HEATR4: variants seen among roughly 807,000 people sequenced by gnomAD.
HEATR4 encodes the protein HEAT repeat-containing protein 4.
In HEATR4, 95 loss-of-function variants were observed where a neutral mutation model predicts 108.8. The ratio of observed to expected loss-of-function variants is 0.87; its 90% CI spans 0.74 to 1.04. The LOEUF (loss-of-function observed/expected upper bound fraction) is 1.04. Among genes scored for constraint, HEATR4 ranks in the 50% least tolerant of loss-of-function variants. The pLI, the probability that HEATR4 is intolerant of heterozygous loss-of-function variation, is 0.00. For missense variants in HEATR4, 1,152 were observed against 1,253.8 expected, an observed-to-expected ratio of 0.92 and a Z score of 1.23; for synonymous variants, 443 against 459.4, an observed-to-expected ratio of 0.96 and a Z score of 0.46.
chr14:73,613,070 C>T, the HEATR4 span: 1 of 585,068 alleles, frequency 1.7e-6, no homozygotes, highest in African/African-American at 2.0e-5. Flanking sequence ...CTGCGACCCC[C>T]ACCGGCCCCT....
Position 73,537,571 on chromosome 14 carries a change from G to A in HEATR4, c.-151-7327C>T, listed in dbSNP as rs753756865. 781 of 1,215,206 alleles carry A rather than the reference G, an allele frequency of 6.4e-4. 252 individuals are homozygous for A. The highest frequency in any genetic ancestry group is 4.2e-3 in the Middle Eastern group (14 of 3,360). The allele number at this position is 1,215,206 out of a possible 1,614,324, so 75.3% of individuals were successfully genotyped here. On this transcript the variant is annotated intron_variant, in intron 1 of 17. Coordinates refer to ENST00000553558, the MANE Select transcript of HEATR4 (RefSeq NM_001220484.1). ...AGGGCGCGCTTTTCCAGGCCCACGC[G>A]CGCTACCGCGCCGACACCCTTGGCG... is the stretch of plus-strand genomic sequence containing the variant.
At chr14:73,499,865 C>G (rs549156125) in intron 12 of HEATR4, among the ~76,000 whole-genome samples, 1 of 152,290 alleles carries the variant, frequency 6.6e-6, no homozygotes, top group East Asian at 1.9e-4. Flanking sequence ...GGAGCTAAAC[C>G]AAGCTTGTCC....
At chr14:73,585,781 G>GAAA in the HEATR4 span, among the ~76,000 whole-genome samples, 2 of 141,120 alleles carry the variant, frequency 1.4e-5, no homozygotes, top group Non-Finnish European at 3.0e-5. Context: ...GGAAGGGAAT[G>GAAA]AAAAAAAAAA....
At chr14:73,559,172 T>C (rs528241430), upstream of HEATR4, among the ~76,000 whole-genome samples, 135 of 152,068 alleles carry the variant, frequency 8.9e-4, 1 homozygote, top group African/African-American at 2.9e-3. Flanking sequence ...CTCACTCAGT[T>C]GCCTAGGCTG....
chr14:73,615,806 C>G, the HEATR4 span, among the ~76,000 whole-genome samples: 1 of 152,186 alleles, frequency 6.6e-6, no homozygotes, highest in Admixed American at 6.5e-5. Context: ...AATCCCAGCA[C>G]TTGAAGAGGC....
At chr14:73,598,282 T>C in the HEATR4 span, among the ~76,000 whole-genome samples, 15 of 144,654 alleles carry the variant, frequency 1.0e-4, no homozygotes, top group African/African-American at 3.6e-4. Context: ...CCCAGCTACT[T>C]GGGAGGCCGA....
At position 73,547,877 on chromosome 14, in the gene HEATR4, C is replaced by A. The variant is rs552618459; in HGVS notation, c.-152+10874G>T. On this transcript the variant is annotated intron_variant, in intron 1 of 17. Transcript: ENST00000553558. ...CTCCAGCCTGGACAACAGAGTGAGACCCTGTCTCAAAAAATAAAATAAAAA... is the reference window on the plus strand; with the variant it reads ...CTCCAGCCTGGACAACAGAGTGAGAACCTGTCTCAAAAAATAAAATAAAAA... 1.7e-5 allele frequency among the ~76,000 whole-genome samples: 2 copies of A among 114,798 alleles called. 1 individual carries two copies. The highest frequency in any genetic ancestry group is 3.8e-5 in the Non-Finnish European group (2 of 52,690). 75.3% of individuals were successfully genotyped at this position (114,798 alleles called of 152,430 possible).
intron 9 of HEATR4, among the ~76,000 whole-genome samples, chr14:73,506,819 T>C (rs868150227): frequency 7.6e-6 from 1 of 131,940 alleles, no homozygotes; most frequent in South Asian, 2.5e-4. Context: ...TTTTTTTTTT[T>C]TTTTTTCTGA....
At chr14:73,560,012 A>G (rs1298308414), upstream of HEATR4, among the ~76,000 whole-genome samples, 4 of 152,094 alleles carry the variant, frequency 2.6e-5, no homozygotes, top group African/African-American at 9.7e-5. Flanking sequence ...TCCTGGCTAG[A>G]TTATTAGCCA....
chr14:73,566,758 T>C, the HEATR4 span, among the ~76,000 whole-genome samples: 1 of 151,766 alleles, frequency 6.6e-6, no homozygotes, highest in Non-Finnish European at 1.5e-5. Context: ...GCTCCGGCCT[T>C]GGCCAGCCCA....
At chr14:73,524,152 C>T (rs565255169) in intron 2 of HEATR4, among the ~76,000 whole-genome samples, 6 of 151,348 alleles carry the variant, frequency 4.0e-5, no homozygotes, top group Admixed American at 6.6e-5. Context: ...ATTAGCCAGG[C>T]GCGGTGGCAT....
chr14:73,576,890 A>T, the HEATR4 span, among the ~76,000 whole-genome samples: 1 of 134,430 alleles, frequency 7.4e-6, no homozygotes, highest in Non-Finnish European at 1.6e-5. Context: ...CCTTAGTTGT[A>T]TTTAAAGGAA....
Position 73,537,024 on chromosome 14 carries a change from C to A in HEATR4, c.-151-6780G>T, listed in dbSNP as rs151087352. 1,116 of 135,444 alleles carry A rather than the reference C, an allele frequency of 8.2e-3. 354 individuals are homozygous for A. The East Asian group carries it at 0.22, about 26-fold the overall frequency. The allele number at this position is 135,444 out of a possible 1,614,324, so 8.4% of individuals were successfully genotyped here. A position where few individuals can be genotyped will look rare whatever the true frequency, so the allele number is the denominator to read the frequency against. ...TCTGAGACGGACTTTCGCTCTGTCG[C>A]CCAGGCTGTAGTGCAGTGGCATGAT... On this transcript the variant is annotated intron_variant, in intron 1 of 17. Transcript: ENST00000553558.
chr14:73,604,187 T>TG, the HEATR4 span, among the ~76,000 whole-genome samples: 1 of 146,100 alleles, frequency 6.8e-6, no homozygotes, highest in Admixed American at 6.8e-5. Context: ...TTTTTTGAGA[T>TG]GGAGTCTCGC....
At chr14:73,594,223 T>G in the HEATR4 span, among the ~76,000 whole-genome samples, 3 of 152,208 alleles carry the variant, frequency 2.0e-5, no homozygotes, top group Non-Finnish European at 4.4e-5. Context: ...TTCTCAGATT[T>G]TGGTCAGAAC....
the HEATR4 span, among the ~76,000 whole-genome samples, chr14:73,583,906 A>G: frequency 6.6e-6 from 1 of 151,998 alleles, no homozygotes; most frequent in Non-Finnish European, 1.5e-5. Context: ...AGGCTGAGGC[A>G]GGAGAATCGC....
chr14:73,540,739 A>ATTTT (rs1889049653), intron 1 of HEATR4, among the ~76,000 whole-genome samples: 1 of 103,812 alleles, frequency 9.6e-6, no homozygotes, highest in Non-Finnish European at 1.9e-5. Flanking sequence ...AGGTGTTTGC[A>ATTTT]TTCTTTTTTT....
At chr14:73,617,580 G>T in the HEATR4 span, among the ~76,000 whole-genome samples, 3 of 152,162 alleles carry the variant, frequency 2.0e-5, no homozygotes, top group Non-Finnish European at 4.4e-5. Flanking sequence ...ACTAAAAAAA[G>T]TTCCAGCTCT....
chr14:73,570,295 C>T, the HEATR4 span, among the ~76,000 whole-genome samples: 1 of 151,652 alleles, frequency 6.6e-6, no homozygotes, highest in African/African-American at 2.4e-5. Flanking sequence ...AAGGGCCAGG[C>T]GCAGTGGCTC....
Sources: allele counts gnomAD v4.1 joint callset (sites outside exome capture counted in the v4.1 genomes callset), GRCh38; gene constraint gnomAD v4.1.1; transcripts MANE v1.5; gene names NCBI Gene and HGNC (gene_info 2026-07-23, HGNC 2026-07-21).